The following BRSK2 variants were observed in gnomAD, a reference collection of about 807,000 sequenced individuals.
BRSK2 encodes serine/threonine-protein kinase BRSK2.
Under a neutral mutation model 83.3 loss-of-function variants are expected in BRSK2, and 19 were observed. The ratio of observed to expected loss-of-function variants is 0.23; its 90% CI spans 0.16 to 0.33. The LOEUF (loss-of-function observed/expected upper bound fraction) is 0.33. Ranked by LOEUF, BRSK2 falls within the 10% of genes least tolerant of loss-of-function variation. The pLI, the probability that BRSK2 is intolerant of heterozygous loss-of-function variation, is 1.00. For missense variants in BRSK2, 798 were observed against 1,042.3 expected, an observed-to-expected ratio of 0.77 and a Z score of 3.23; for synonymous variants, 519 against 435.4, an observed-to-expected ratio of 1.19 and a Z score of -2.39.
At chr11:1,460,050 G>C (rs573345623) in intron 19 of BRSK2, among the ~76,000 whole-genome samples, 6 of 151,824 alleles carry the variant, frequency 4.0e-5, no homozygotes, top group Middle Eastern at 3.4e-3. Context: ...TGTCATCTCC[G>C]GCGTTGGGGT....
intron 1 of BRSK2, among the ~76,000 whole-genome samples, chr11:1,427,020 C>T (rs936462257): frequency 2.6e-5 from 4 of 152,136 alleles, no homozygotes; most frequent in Non-Finnish European, 5.9e-5. Context: ...CGGGGTCCTT[C>T]CCCAGTGCCA....
Position 1,460,519 on chromosome 11 carries a change from C to CT in BRSK2, c.2010dup (p.Asp671Ter). The CT allele has an allele frequency of 7.6e-7, 1 of 1,316,330 alleles. No individual in the cohort carries two copies. Among genetic ancestry groups the CT allele is most frequent in the Non-Finnish European group, 9.8e-7 (1 of 1,024,768 alleles). 81.5% of individuals were successfully genotyped at this position (1,316,330 alleles called of 1,614,324 possible). ...ACCCAGGCAGCCCATTGAGTAACTTCTTTGACGTAATTAAACAACTTTTTT... is the reference window on the plus strand; with the variant it reads ...ACCCAGGCAGCCCATTGAGTAACTTCTTTTGACGTAATTAAACAACTTTTTT... On this transcript the variant is annotated frameshift_variant, in exon 20 of 20. Transcript: ENST00000528841. LOFTEE classifies it high-confidence loss of function.
intron 15 of BRSK2, 59 bp downstream of exon 15, chr11:1,451,478 G>A: frequency 6.4e-7 from 1 of 1,570,066 alleles, no homozygotes; most frequent in Non-Finnish European, 8.8e-7. Flanking sequence ...CGGGAGAGGG[G>A]CATGGAACCC....
intron 1 of BRSK2, among the ~76,000 whole-genome samples, chr11:1,417,975 G>A (rs1848267376): frequency 1.3e-5 from 2 of 148,572 alleles, no homozygotes; most frequent in Non-Finnish European, 3.0e-5. Flanking sequence ...GCTTCTGTTG[G>A]CTGTTTCTTC....
intron 1 of BRSK2, among the ~76,000 whole-genome samples, chr11:1,397,704 G>A (rs1371167097): frequency 3.3e-5 from 5 of 152,236 alleles, no homozygotes; most frequent in African/African-American, 1.2e-4. Context: ...TGGGTGCCAC[G>A]TCCTTGGGCT....
At chr11:1,426,706 G>T (rs1247202648) in intron 1 of BRSK2, among the ~76,000 whole-genome samples, 1 of 152,158 alleles carries the variant, frequency 6.6e-6, no homozygotes, top group Admixed American at 6.5e-5. Context: ...GTGGTTGCTG[G>T]CAACGGGGGT....
rs780084817 is a variant in BRSK2, at chr11:1,443,127, C to T, written c.552C>T (p.Pro184=). The T allele has an allele frequency of 3.6e-5, 56 of 1,536,354 alleles. No individual in the cohort carries two copies. The highest frequency in any genetic ancestry group is 2.1e-4 in the Middle Eastern group (1 of 4,720). Residue 184 remains proline, a synonymous_variant, in exon 6 of 20, where the codon CCC becomes CCT. Transcript: ENST00000528841. ...GCAGGTCCCCCCACTACGCCTGCCC[C>T]GAGGTGATCCGGGTGAGTCAGCGCC... is the stretch of plus-strand genomic sequence containing the variant. ...TSCGSPHYAC[P]EVIRGEKYDG... is the part of the protein sequence containing the mutation.
chr11:1,404,957 A>G (rs544972886), intron 1 of BRSK2, among the ~76,000 whole-genome samples: 32 of 34,906 alleles, frequency 9.2e-4, no homozygotes, highest in African/African-American at 3.4e-3. Context: ...AAGGCCCCCA[A>G]GGTGTGGCAG....
chr11:1,451,182 C>G (rs1489041551), intron 14 of BRSK2, among the ~76,000 whole-genome samples, 189 bp from the exon 15 acceptor site: 15 of 152,330 alleles, frequency 9.8e-5, no homozygotes, highest in African/African-American at 3.6e-4. Context: ...TCCCCTTAGC[C>G]TGGGGGGCGC....
intron 5 of BRSK2, 131 bp from the exon 6 acceptor site, chr11:1,442,975 C>T: frequency 9.3e-7 from 1 of 1,080,868 alleles, no homozygotes. Flanking sequence ...CCTGGGGATG[C>T]AGGGAATGTG....
chr11:1,413,435 GTC>G (rs1256407681), intron 1 of BRSK2, among the ~76,000 whole-genome samples: 1 of 152,182 alleles, frequency 6.6e-6, no homozygotes, highest in Non-Finnish European at 1.5e-5. Flanking sequence ...GGCCTGAGCT[GTC>G]TCTGTCCAGC....
At chr11:1,413,222 G>GGGGACGGCCCCTC (rs1194545970) in intron 1 of BRSK2, among the ~76,000 whole-genome samples, 5 of 152,074 alleles carry the variant, frequency 3.3e-5, no homozygotes. Flanking sequence ...GACGGCCCCT[G>GGGGACGGCCCCTC]GGGACGGCCC....
intron 1 of BRSK2, among the ~76,000 whole-genome samples, chr11:1,433,244 C>T (rs1254920547): frequency 6.6e-6 from 1 of 152,246 alleles, no homozygotes; most frequent in Non-Finnish European, 1.5e-5. Flanking sequence ...AATGCAGAGC[C>T]ACCAGGGCTT....
chr11:1,428,417 C>G (rs1936057850), intron 1 of BRSK2, among the ~76,000 whole-genome samples: 1 of 152,216 alleles, frequency 6.6e-6, no homozygotes, highest in African/African-American at 2.4e-5. Context: ...CCATGTGGTC[C>G]ACTGTCCTCA....
chr11:1,407,619 G>A (rs1474156694), intron 1 of BRSK2, among the ~76,000 whole-genome samples: 1 of 152,200 alleles, frequency 6.6e-6, no homozygotes, highest in East Asian at 1.9e-4. Flanking sequence ...CCCTCTAGGG[G>A]CCTCGACGCA....
chr11:1,440,872 G>C lies in BRSK2; in HGVS notation c.357G>C (p.Arg119=), dbSNP rs904112207. Residue 119 remains arginine, a synonymous_variant, in exon 4 of 20, where the codon CGG becomes CGC. Transcript: ENST00000528841. The stretch of plus-strand genomic sequence containing the variant: ...GGAGGCTGACGCCTAAGGAGGCTCG[G>C]AAGTTCTTCCGGCAGATCATCTCTG... ...KKGRLTPKEA[R]KFFRQIISAL... The C allele has an allele frequency of 1.9e-6, 3 of 1,609,358 alleles. No individual in the cohort carries two copies. The highest frequency in any genetic ancestry group is 2.5e-6 in the Non-Finnish European group (3 of 1,178,350).
chr11:1,461,139 C>A lies in BRSK2; in HGVS notation c.*416C>A. 2 of 1,207,936 alleles carry A rather than the reference C, an allele frequency of 1.7e-6. No homozygotes were observed. Among genetic ancestry groups the A allele is most frequent in the South Asian group, 1.5e-5 (1 of 66,442 alleles). The allele number at this position is 1,207,936 out of a possible 1,614,324, so 74.8% of individuals were successfully genotyped here. On this transcript the variant is annotated 3_prime_UTR_variant, in exon 20 of 20. Transcript: ENST00000528841. Reference sequence around the variant, plus strand: ...AGCTCCTCGCCTCAGCTCCGCACGGCCCGTGGGAGGAAGGCCAGGCTCGGG... The same window carrying A: ...AGCTCCTCGCCTCAGCTCCGCACGGACCGTGGGAGGAAGGCCAGGCTCGGG...
intron 9 of BRSK2, 32 bp downstream of exon 9, chr11:1,445,034 CT>C (rs879344554): frequency 6.2e-7 from 1 of 1,607,270 alleles, no homozygotes; most frequent in Non-Finnish European, 8.5e-7. Context: ...TAATCGCCTG[CT>C]TTGCCTGTTG....
At chr11:1,455,031 G>T (rs1191932749) in intron 16 of BRSK2, among the ~76,000 whole-genome samples, 3 of 152,146 alleles carry the variant, frequency 2.0e-5, no homozygotes, top group South Asian at 2.1e-4. Context: ...TCAGTGGACA[G>T]CCCCAGCCCT....
Sources: gnomAD v4.1 joint callset for allele counts (sites outside exome capture counted in the v4.1 genomes callset) on GRCh38, gnomAD v4.1.1 for gene constraint, MANE v1.5 for transcripts, NCBI Gene and HGNC (gene_info 2026-07-23, HGNC 2026-07-21) for gene names.